The following ANKRD11 variants were observed in gnomAD, a reference collection of about 807,000 sequenced individuals.
The protein encoded by ANKRD11 is ankyrin repeat domain-containing protein 11.
In ANKRD11, 17 loss-of-function variants were observed where a neutral mutation model predicts 195.7. The observed-to-expected ratio is 0.09, with a 90% confidence interval of 0.06 to 0.13. The LOEUF is 0.13. ANKRD11 is among the 10% of genes least tolerant of loss of function. The pLI is 1.00. For synonymous variants in ANKRD11, 1,953 were observed against 1,528.1 expected (o/e 1.28, Z -6.49); for missense variants, 3,735 against 3,566.1 (o/e 1.05, Z -1.21).
chr16:89,305,634 ACGCG>A (rs1197384318), intron 3 of ANKRD11, among the ~76,000 whole-genome samples: 1 of 149,464 alleles, frequency 6.7e-6, no homozygotes, highest in East Asian at 2.0e-4. Flanking sequence ...GGAGACACAC[ACGCG>A]CTACCTCTCA....
In ANKRD11 at chr16:89,353,299, G is replaced by A. The variant is rs573734940; in HGVS notation, c.-59-36221C>T. Among the ~76,000 whole-genome samples the A allele has an allele frequency of 7.9e-5, 12 of 151,724 alleles. No homozygotes were observed. The South Asian group carries it at 1.9e-3, about 24-fold the overall frequency. On this transcript the variant is annotated intron_variant, in intron 2 of 12. Transcript: ENST00000301030. Reference sequence around the variant, plus strand: ...GGAGGTTGCAGTGAGCCAAGATGGCGCCACTGCACTCCAGCCTGGGTGACA... The same window carrying A: ...GGAGGTTGCAGTGAGCCAAGATGGCACCACTGCACTCCAGCCTGGGTGACA...
At chr16:89,326,352 G>A (rs1020401641) in intron 2 of ANKRD11, among the ~76,000 whole-genome samples, 17 of 152,086 alleles carry the variant, frequency 1.1e-4, no homozygotes, top group East Asian at 5.8e-4. Context: ...AGAGGAGGAC[G>A]GTCTGCAGAA....
chr16:89,383,554 C>T (rs2040758160), intron 2 of ANKRD11, among the ~76,000 whole-genome samples: 1 of 152,262 alleles, frequency 6.6e-6, no homozygotes, highest in Non-Finnish European at 1.5e-5. Context: ...CCATGAAGTT[C>T]CCATGGAACA....
At chr16:89,484,948 C>A (rs946397434) in intron 1 of ANKRD11, among the ~76,000 whole-genome samples, 1 of 152,112 alleles carries the variant, frequency 6.6e-6, no homozygotes, top group Non-Finnish European at 1.5e-5. Flanking sequence ...CAGGTCTCAC[C>A]CTCCACCAGC....
chr16:89,416,804 T>C (rs956232244), intron 2 of ANKRD11, among the ~76,000 whole-genome samples: 6 of 151,692 alleles, frequency 4.0e-5, no homozygotes, highest in Non-Finnish European at 1.5e-5. Flanking sequence ...AAATGCAGCA[T>C]TTTGCTTTTC....
chr16:89,416,964 A>C (rs1360459421), intron 2 of ANKRD11, among the ~76,000 whole-genome samples: 2 of 151,810 alleles, frequency 1.3e-5, no homozygotes, highest in African/African-American at 4.8e-5. Flanking sequence ...GGCTCAGTCC[A>C]CCTCCAGATC....
At chr16:89,341,946 CGA>C (rs2038693386) in intron 2 of ANKRD11, among the ~76,000 whole-genome samples, 1 of 150,886 alleles carries the variant, frequency 6.6e-6, no homozygotes, top group African/African-American at 2.5e-5. Flanking sequence ...ACCTCCTCCA[CGA>C]ACAGCAGCCA....
intron 2 of ANKRD11, chr16:89,396,014 C>G (rs142825704): frequency 2.6e-5 from 4 of 152,148 alleles, no homozygotes; most frequent in African/African-American, 9.7e-5. Context: ...AATGACCGAC[C>G]GACATGCAAA....
At chr16:89,348,027 G>C (rs1416360860) in intron 2 of ANKRD11, among the ~76,000 whole-genome samples, 1 of 151,772 alleles carries the variant, frequency 6.6e-6, no homozygotes, top group Non-Finnish European at 1.5e-5. Flanking sequence ...TCTACCTCCT[G>C]GGCTCAATGG....
Position 89,285,573 on chromosome 16 carries a change from G to A in ANKRD11, c.969C>T (p.Phe323=), listed in dbSNP as rs777650901. ...SVDGNNTDSE[F]EKGLKHKAKN... ...TGGCCTTGTGCTTGAGGCCTTTTTCGAACTCGGAGTCCGTGTTGTTGCCGT... is the reference window on the plus strand; with the variant it reads ...TGGCCTTGTGCTTGAGGCCTTTTTCAAACTCGGAGTCCGTGTTGTTGCCGT... Residue 323 remains phenylalanine (F), a synonymous_variant, in exon 9 of 13, where the codon TTC becomes TTT. Transcript: ENST00000301030. This position sits in a 1 kb window ranked among gnomAD's most constrained non-coding sequence, Gnocchi z 5.6. 1.7e-5 allele frequency: 28 copies of A among 1,613,864 alleles called. No individual in the cohort carries two copies. The highest frequency in any genetic ancestry group is 2.2e-5 in the Non-Finnish European group (26 of 1,179,998).
intron 2 of ANKRD11, among the ~76,000 whole-genome samples, chr16:89,349,861 A>AACACACAC (rs34592614): frequency 1.8e-4 from 24 of 133,238 alleles, no homozygotes; most frequent in East Asian, 8.6e-4. Context: ...TACTTGTTAA[A>AACACACAC]ACACACACAC....
chr16:89,297,958 C>G (rs912604003), intron 4 of ANKRD11: 1 of 151,200 alleles, frequency 6.6e-6, no homozygotes, highest in African/African-American at 2.4e-5. Context: ...AGGGGTCACA[C>G]AGAGGTAAGG....
At chr16:89,416,861 A>G (rs2042332920) in intron 2 of ANKRD11, among the ~76,000 whole-genome samples, 1 of 152,006 alleles carries the variant, frequency 6.6e-6, no homozygotes, top group African/African-American at 2.4e-5. Context: ...AAAGAGGCAC[A>G]GCTCAGACCC....
At position 89,274,807 on chromosome 16, in the gene ANKRD11, G is replaced by T. The variant is rs1318218675; in HGVS notation, c.7713+7C>A. On this transcript the variant is annotated splice_region_variant and intron_variant, in intron 11 of 12. Coordinates refer to ENST00000301030, the MANE Select transcript of ANKRD11 (RefSeq NM_013275.6). ...ACTCATGGGCCTGGCATGCAGACGGGCCCTACCTGGCTCTCCAGGGGCATG... is the reference window on the plus strand; with the variant it reads ...ACTCATGGGCCTGGCATGCAGACGGTCCCTACCTGGCTCTCCAGGGGCATG... The T allele has an allele frequency of 1.2e-6, 2 of 1,609,216 alleles. No individual in the cohort carries two copies. The highest frequency in any genetic ancestry group is 2.2e-5 in the East Asian group (1 of 44,884).
chr16:89,299,493 C>T lies in ANKRD11; in HGVS notation c.226+5713G>A, dbSNP rs138341147. The T allele has an allele frequency of 0.013, 2,150 of 160,156 alleles. 211 individuals carry two copies. In the East Asian group the frequency reaches 0.22, roughly 16 times the overall value. The allele number at this position is 160,156 out of a possible 1,614,324, so 9.9% of individuals were successfully genotyped here. ...CTGTGTGGGGTGTGTGGGGTCTGTG[C>T]CCTGTGTGGGGTGCGTGGGGTCTGT... On this transcript the variant is annotated intron_variant, in intron 4 of 12. Transcript: ENST00000301030.
chr16:89,306,826 ACAGACACGCGCCACTTACCTCCCACTCCG>A (rs1567617572), intron 3 of ANKRD11, among the ~76,000 whole-genome samples: 1 of 9,130 alleles, frequency 1.1e-4, no homozygotes, highest in African/African-American at 5.2e-4. Context: ...CTCCCATTCC[ACAGACACGCGCCACTTACCTCCCACTCCG>A]CAGACACGCG....
At chr16:89,325,449 C>CCCCTCTCCT (rs1555543273) in intron 2 of ANKRD11, among the ~76,000 whole-genome samples, 2 of 139,532 alleles carry the variant, frequency 1.4e-5, no homozygotes, top group Non-Finnish European at 3.1e-5. Flanking sequence ...TCTCCCCTCT[C>CCCCTCTCCT]CTCTCTCTCT....
At chr16:89,322,491 C>A (rs1221371412) in intron 2 of ANKRD11, among the ~76,000 whole-genome samples, 1 of 152,222 alleles carries the variant, frequency 6.6e-6, no homozygotes, top group Non-Finnish European at 1.5e-5. Context: ...CACGCAGGCA[C>A]GTGGCCTCAG....
chr16:89,477,693 C>A (rs1388351887), intron 1 of ANKRD11, among the ~76,000 whole-genome samples: 1 of 151,048 alleles, frequency 6.6e-6, no homozygotes, highest in Non-Finnish European at 1.5e-5. Context: ...ATTGGAGAGG[C>A]CGGGCGCGGT....
Sources: allele counts gnomAD v4.1 joint callset (sites outside exome capture counted in the v4.1 genomes callset), GRCh38; gene constraint gnomAD v4.1.1; non-coding constraint Gnocchi (gnomAD v3.1); transcripts MANE v1.5; gene names NCBI Gene and HGNC (gene_info 2026-07-23, HGNC 2026-07-21).